The following OSBPL8 variants were observed in gnomAD, a reference collection of about 807,000 sequenced individuals.
OSBPL8 encodes oxysterol-binding protein-related protein 8.
OSBPL8 carries 59 observed loss-of-function variants against 125.5 expected under a neutral mutation model. The observed-to-expected ratio is 0.47, with a 90% CI of 0.38 to 0.58. The LOEUF is 0.58. Among genes scored for constraint, OSBPL8 ranks in the 20% least tolerant of loss-of-function variants. The pLI is 0.00. For synonymous variants in OSBPL8, 330 were observed against 338.9 expected, an observed-to-expected ratio of 0.97 and a Z score of 0.29; for missense variants, 758 against 1,047.8, an observed-to-expected ratio of 0.72 and a Z score of 3.82.
At position 76,376,506 on chromosome 12, in the gene OSBPL8, G is replaced by A. The variant is rs989820366; in HGVS notation, c.1730-1136C>T. On this transcript the variant is annotated intron_variant, in intron 16 of 23. Transcript: ENST00000261183. Reference sequence around the variant, plus strand: ...TCATTTCATATGCTCATTCGCAAGTGGTTATAACTTCTTTTCTTTTTCCAT... The same window carrying A: ...TCATTTCATATGCTCATTCGCAAGTAGTTATAACTTCTTTTCTTTTTCCAT... Among the ~76,000 whole-genome samples, 5 of 151,982 alleles carry A rather than the reference G, an allele frequency of 3.3e-5. No individual in the cohort carries two copies. In the East Asian group the frequency reaches 9.6e-4, roughly 29 times the overall value.
intron 2 of OSBPL8, among the ~76,000 whole-genome samples, chr12:76,469,562 A>C (rs1875871459): frequency 6.6e-6 from 1 of 152,088 alleles, no homozygotes; most frequent in Non-Finnish European, 1.5e-5. Flanking sequence ...TGCCCAACAG[A>C]TATGCAAGCT....
chr12:76,459,995 G>A (rs758867202), intron 2 of OSBPL8, 100 bp from the exon 3 acceptor site: 110 of 1,103,922 alleles, frequency 1.0e-4, no homozygotes, highest in Non-Finnish European at 1.4e-4. Context: ...AAAGGACAAG[G>A]AAAATAGCAT....
intron 7 of OSBPL8, among the ~76,000 whole-genome samples, chr12:76,398,753 G>T (rs1474036828): frequency 6.6e-6 from 1 of 152,158 alleles, no homozygotes; most frequent in African/African-American, 2.4e-5. Flanking sequence ...GCGTATCACA[G>T]TAACTCTCAA....
chr12:76,509,234 T>C (rs947967017), intron 1 of OSBPL8, among the ~76,000 whole-genome samples: 2 of 152,142 alleles, frequency 1.3e-5, no homozygotes, highest in African/African-American at 2.4e-5. Context: ...CTATAGCATA[T>C]AGCCTAGGTG....
At chr12:76,376,032 A>G (rs1218118978) in intron 16 of OSBPL8, among the ~76,000 whole-genome samples, 4 of 152,224 alleles carry the variant, frequency 2.6e-5, no homozygotes, top group Admixed American at 2.0e-4. Context: ...CATATATAAA[A>G]CAAGGTTATG....
At chr12:76,488,416 T>C (rs2137035549) in intron 1 of OSBPL8, among the ~76,000 whole-genome samples, 1 of 152,312 alleles carries the variant, frequency 6.6e-6, no homozygotes, top group South Asian at 2.1e-4. Context: ...GTGTTTCGCT[T>C]TACTGCACAA....
At chr12:76,423,380 T>C (rs1869750154) in intron 4 of OSBPL8, 1 of 152,342 alleles carries the variant, frequency 6.6e-6, no homozygotes, top group Admixed American at 6.5e-5. Context: ...ACCATAATGC[T>C]GTATGCTCTA....
At position 76,375,293 on chromosome 12, in the gene OSBPL8, T is replaced by C. The variant is rs774869746; in HGVS notation, c.1807A>G (p.Ile603Val). 6 of 1,609,246 alleles carry C rather than the reference T, an allele frequency of 3.7e-6. No homozygotes were observed. The Admixed American group carries it at 6.7e-5, about 18-fold the overall frequency. Residue 603 changes from isoleucine (I) to valine (V), a missense_variant, in exon 17 of 24, where the codon ATA becomes GTA. Coordinates refer to ENST00000261183, the MANE Select transcript of OSBPL8 (RefSeq NM_020841.5). ...ITCQKTGYSA[I>V]LEFKLKPFLG... ...CTAACCTTTAGTTTAAATTCAAGTA[T>C]TGCACTGTATCCAGTTTTTTGACAT...
intron 6 of OSBPL8, among the ~76,000 whole-genome samples, chr12:76,402,172 T>C (rs929621861): frequency 1.3e-5 from 2 of 152,132 alleles, no homozygotes; most frequent in African/African-American, 4.8e-5. Context: ...CCAGAGCCAG[T>C]TGGAAAGCAT....
intron 1 of OSBPL8, among the ~76,000 whole-genome samples, chr12:76,545,057 T>C (rs1379748588): frequency 6.6e-6 from 1 of 152,134 alleles, no homozygotes; most frequent in Non-Finnish European, 1.5e-5. Flanking sequence ...CTAGGAAAGA[T>C]AACACTTCTT....
chr12:76,446,925 C>T (rs77719147), intron 4 of OSBPL8, among the ~76,000 whole-genome samples: 3,170 of 152,216 alleles, frequency 0.021, 113 homozygotes, highest in African/African-American at 0.071. Context: ...CTTCACATTA[C>T]GCCTTCAATC....
rs529924604 is a variant in OSBPL8 at position 76,534,102 on chromosome 12, T to C, written c.-68+25295A>G. The C allele has an allele frequency of 3.3e-5, 5 of 152,324 alleles. No individual in the cohort carries two copies. The East Asian group carries it at 9.6e-4, about 29-fold the overall frequency. The allele number at this position is 152,324 out of a possible 1,614,324, so 9.4% of individuals were successfully genotyped here. The stretch of plus-strand genomic sequence containing the variant: ...TGAAACCAGGAACTGTATTCATTAA[T>C]GAGATTTTTTAAATGTCCATTTATA... On this transcript the variant is annotated intron_variant, in intron 1 of 23. Coordinates refer to ENST00000261183, the MANE Select transcript of OSBPL8 (RefSeq NM_020841.5).
intron 19 of OSBPL8, among the ~76,000 whole-genome samples, chr12:76,370,092 TGAA>T (rs1347588270): frequency 6.6e-6 from 1 of 152,154 alleles, no homozygotes; most frequent in Non-Finnish European, 1.5e-5. Context: ...TAGTAAGTGT[TGAA>T]GTGTTGCTGG....
At chr12:76,362,270 G>A (rs929092292) in intron 21 of OSBPL8, among the ~76,000 whole-genome samples, 6 of 150,032 alleles carry the variant, frequency 4.0e-5, no homozygotes, top group South Asian at 2.1e-4. Flanking sequence ...GATGAACATC[G>A]ATGCAAAAAT....
At chr12:76,546,716 T>C (rs1292137422) in intron 1 of OSBPL8, among the ~76,000 whole-genome samples, 1 of 152,134 alleles carries the variant, frequency 6.6e-6, no homozygotes, top group African/African-American at 2.4e-5. Context: ...TTAGAATACC[T>C]GTAAAAAATA....
chr12:76,461,359 C>T (rs1189094270), intron 2 of OSBPL8, among the ~76,000 whole-genome samples: 1 of 152,164 alleles, frequency 6.6e-6, no homozygotes, highest in African/African-American at 2.4e-5. Context: ...GAGAGGCCCA[C>T]TAGGTGAAAG....
intron 1 of OSBPL8, among the ~76,000 whole-genome samples, chr12:76,526,712 G>A (rs1950188591): frequency 7.6e-6 from 1 of 131,054 alleles, no homozygotes; most frequent in Non-Finnish European, 1.5e-5. Flanking sequence ...GTGCAATGGT[G>A]CGATCTCGGC....
chr12:76,445,334 C>G (rs1380703751), intron 4 of OSBPL8, among the ~76,000 whole-genome samples: 1 of 152,058 alleles, frequency 6.6e-6, no homozygotes, highest in Non-Finnish European at 1.5e-5. Context: ...GCAAAACTTT[C>G]TTTAATAGGA....
intron 1 of OSBPL8, among the ~76,000 whole-genome samples, chr12:76,498,037 T>A (rs1879461085): frequency 6.6e-6 from 1 of 152,330 alleles, no homozygotes; most frequent in South Asian, 2.1e-4. Flanking sequence ...GACTAGCATG[T>A]GATAAATGCC....
Sources: allele counts gnomAD v4.1 joint callset (sites outside exome capture counted in the v4.1 genomes callset), GRCh38; gene constraint gnomAD v4.1.1; transcripts MANE v1.5; gene names NCBI Gene and HGNC (gene_info 2026-07-23, HGNC 2026-07-21).